Variants in GRID2 observed in about 807,000 individuals in gnomAD.
The protein encoded by GRID2 is glutamate receptor ionotropic, delta-2.
A neutral mutation model predicts 114.8 loss-of-function variants in GRID2; 33 were observed. The observed-to-expected ratio is 0.29, with a 90% confidence interval of 0.22 to 0.38. The LOEUF (loss-of-function observed/expected upper bound fraction) is 0.38, where lower values mean the gene tolerates loss of function less well. Among genes scored for constraint, GRID2 ranks in the 10% least tolerant of loss-of-function variants. The pLI is 1.00. For synonymous variants in GRID2, 505 were observed against 449.9 expected (o/e 1.12, Z -1.55); for missense variants, 1,184 against 1,257.7 (o/e 0.94, Z 0.89).
At chr4:93,322,114 G>A (rs928405307) in intron 8 of GRID2, among the ~76,000 whole-genome samples, 14 of 149,760 alleles carry the variant, frequency 9.3e-5, no homozygotes, top group African/African-American at 3.0e-4. Context: ...TGTTACATAT[G>A]TACACATGTG....
intron 13 of GRID2, among the ~76,000 whole-genome samples, chr4:93,550,288 A>C: frequency 6.6e-6 from 1 of 152,160 alleles, no homozygotes; most frequent in South Asian, 2.1e-4. Context: ...ATATTTCATA[A>C]ATAAGAGAAA....
intron 2 of GRID2, among the ~76,000 whole-genome samples, chr4:92,941,893 T>G (rs1425787224): frequency 6.6e-6 from 1 of 152,228 alleles, no homozygotes; most frequent in Non-Finnish European, 1.5e-5. Context: ...GTGACTTTCT[T>G]CATCCTGAGT....
At chr4:93,580,785 C>T (rs751852203) in intron 13 of GRID2, among the ~76,000 whole-genome samples, 1 of 150,670 alleles carries the variant, frequency 6.6e-6, no homozygotes, top group African/African-American at 2.4e-5. Flanking sequence ...TATTGGTAAG[C>T]GTTTAATATC....
chr4:93,083,101 G>A (rs1015894910), intron 2 of GRID2, among the ~76,000 whole-genome samples: 6 of 152,008 alleles, frequency 3.9e-5, no homozygotes, highest in African/African-American at 1.2e-4. Flanking sequence ...TGTAATTAGT[G>A]TAATCTAAAG....
chr4:93,401,621 T>C (rs950477898), intron 9 of GRID2, among the ~76,000 whole-genome samples: 4 of 152,142 alleles, frequency 2.6e-5, no homozygotes, highest in Admixed American at 2.6e-4. Context: ...GTAGGAAATA[T>C]ACCAATTAGA....
chr4:92,845,256 T>C (rs946274657), intron 2 of GRID2, among the ~76,000 whole-genome samples: 6 of 152,132 alleles, frequency 3.9e-5, no homozygotes, highest in African/African-American at 1.4e-4. Flanking sequence ...GGTTTATTTT[T>C]TGGTTTGTTT....
In GRID2 at chr4:92,814,031, G is replaced by GA. The variant is rs530402183; in HGVS notation, c.244+223753dup. ...AAGTTTTCCCTATTCTTCTCTATCT[G>GA]AAAAAAAATGTCCTCTATCCTTGGA... is the stretch of plus-strand genomic sequence containing the variant. On this transcript the variant is annotated intron_variant, in intron 2 of 15. Transcript: ENST00000282020. Among the ~76,000 whole-genome samples the GA allele has an allele frequency of 3.0e-4, 45 of 151,722 alleles. No individual in the cohort carries two copies. In the East Asian group the frequency reaches 7.6e-3, roughly 26 times the overall value.
At chr4:92,709,770 G>T (rs2149308413) in intron 2 of GRID2, among the ~76,000 whole-genome samples, 2 of 151,838 alleles carry the variant, frequency 1.3e-5, no homozygotes. Flanking sequence ...AATCAGGTTA[G>T]AGTGAACCTG....
In GRID2 at chr4:93,084,016, T is replaced by C. The variant is rs1192050705; in HGVS notation, c.245-979T>C. Among the ~76,000 whole-genome samples, 8 of 152,118 alleles carry C rather than the reference T, an allele frequency of 5.3e-5. No homozygotes were observed. The East Asian group carries it at 1.5e-3, about 29-fold the overall frequency. On this transcript the variant is annotated intron_variant, in intron 2 of 15. Coordinates refer to ENST00000282020, the MANE Select transcript of GRID2 (RefSeq NM_001510.4). Reference sequence around the variant, plus strand: ...ACTATGTAAAACAATTTATAATAAATTTTGAATCTTAAGAATGTTATACCT... The same window carrying C: ...ACTATGTAAAACAATTTATAATAAACTTTGAATCTTAAGAATGTTATACCT...
chr4:92,341,299 C>T (rs749313623), intron 1 of GRID2, among the ~76,000 whole-genome samples: 3 of 152,080 alleles, frequency 2.0e-5, no homozygotes, highest in Non-Finnish European at 4.4e-5. Context: ...TGAAAATAAG[C>T]CCTGTATGGT....
At chr4:93,288,127 T>A (rs934560489) in intron 8 of GRID2, among the ~76,000 whole-genome samples, 3 of 152,220 alleles carry the variant, frequency 2.0e-5, no homozygotes, top group Non-Finnish European at 2.9e-5. Context: ...TTTCAAATTA[T>A]ATTTTATTGG....
intron 14 of GRID2, among the ~76,000 whole-genome samples, chr4:93,716,683 T>G (rs188347033): frequency 9.2e-5 from 14 of 152,056 alleles, no homozygotes; most frequent in Admixed American, 3.3e-4. Flanking sequence ...ATACATATGA[T>G]ATACCTTTTA....
At chr4:93,219,052 G>T (rs536308322) in intron 6 of GRID2, among the ~76,000 whole-genome samples, 33 of 152,174 alleles carry the variant, frequency 2.2e-4, no homozygotes, top group Admixed American at 4.6e-4. Context: ...TTTGGATTGG[G>T]ACACAGCCAA....
chr4:93,125,491 G>C (rs1185847937), intron 4 of GRID2, among the ~76,000 whole-genome samples: 1 of 152,042 alleles, frequency 6.6e-6, no homozygotes. Flanking sequence ...ATAATAAGTT[G>C]TTACTTCCAA....
At chr4:93,327,538 A>G (rs1757968400) in intron 8 of GRID2, among the ~76,000 whole-genome samples, 1 of 152,162 alleles carries the variant, frequency 6.6e-6, no homozygotes, top group Non-Finnish European at 1.5e-5. Context: ...GTATATATAT[A>G]CAATGGAATA....
rs370094857 is a variant in GRID2 at position 92,343,258 on chromosome 4, TC to T, written c.88+38515del. ...CCAACTGCAAAAAAAAAAGCTCAAA[TC>T]AAATCAACATATATATGTTTGTAAT... On this transcript the variant is annotated intron_variant, in intron 1 of 15. Coordinates refer to ENST00000282020, the MANE Select transcript of GRID2 (RefSeq NM_001510.4). 3.3e-3 allele frequency among the ~76,000 whole-genome samples: 501 copies of T among 151,792 alleles called. 3 individuals are homozygous for T. The highest frequency in any genetic ancestry group is 0.011 in the African/African-American group (461 of 41,430).
chr4:92,328,269 A>C (rs1199335507), intron 1 of GRID2, among the ~76,000 whole-genome samples: 2 of 152,052 alleles, frequency 1.3e-5, no homozygotes, highest in Non-Finnish European at 2.9e-5. Flanking sequence ...AGCAGGGGAA[A>C]GGTGCAAGAG....
At chr4:93,533,379 CTT>C (rs1731701193) in intron 13 of GRID2, among the ~76,000 whole-genome samples, 2 of 122,412 alleles carry the variant, frequency 1.6e-5, no homozygotes, top group Non-Finnish European at 3.4e-5. Context: ...CTCTCTCTTT[CTT>C]TCTTTCTTTC....
intron 1 of GRID2, among the ~76,000 whole-genome samples, chr4:92,541,085 T>C (rs1300040989): frequency 6.6e-6 from 1 of 151,914 alleles, no homozygotes; most frequent in East Asian, 1.9e-4. Flanking sequence ...TAGGTGGGAA[T>C]TGAACAATGA....
Sources: gnomAD v4.1 joint callset for allele counts (sites outside exome capture counted in the v4.1 genomes callset) on GRCh38, gnomAD v4.1.1 for gene constraint, MANE v1.5 for transcripts, NCBI Gene and HGNC (gene_info 2026-07-23, HGNC 2026-07-21) for gene names.